The following DCLK2 variants were observed in gnomAD, a reference collection of about 807,000 sequenced individuals.
DCLK2 encodes the protein doublecortin like kinase 2.
A neutral mutation model predicts 78.4 loss-of-function variants in DCLK2; 31 were observed. The ratio of observed to expected loss-of-function variants is 0.40; its 90% CI spans 0.30 to 0.53. The LOEUF (loss-of-function observed/expected upper bound fraction) is 0.53, where lower values mean the gene tolerates loss of function less well. Ranked by LOEUF, DCLK2 falls within the 20% of genes least tolerant of loss-of-function variation. DCLK2 has a pLI of 0.61. For synonymous variants in DCLK2, 407 were observed against 374.9 expected (o/e 1.09, Z -0.99); for missense variants, 872 against 973.7 (o/e 0.90, Z 1.39).
intron 2 of DCLK2, among the ~76,000 whole-genome samples, chr4:150,182,345 C>A (rs945255404): frequency 1.2e-4 from 18 of 152,130 alleles, no homozygotes; most frequent in African/African-American, 4.3e-4. Flanking sequence ...CTCTACCTGG[C>A]CTCCCAAATC....
chr4:150,156,476 C>T (rs1371239132), intron 2 of DCLK2, among the ~76,000 whole-genome samples: 4 of 136,464 alleles, frequency 2.9e-5, no homozygotes, highest in Admixed American at 8.1e-5. Context: ...GTGAGGCCGT[C>T]TCTACCAAAA....
chr4:150,137,296 G>A (rs1188146169), intron 2 of DCLK2, among the ~76,000 whole-genome samples: 1 of 152,160 alleles, frequency 6.6e-6, no homozygotes, highest in South Asian at 2.1e-4. Context: ...CAGCAGGCTG[G>A]CTCAGGCCTT....
intron 2 of DCLK2, among the ~76,000 whole-genome samples, chr4:150,186,554 C>A (rs901600182): frequency 2.6e-5 from 4 of 152,008 alleles, no homozygotes; most frequent in African/African-American, 9.7e-5. Flanking sequence ...TGCTTCTTGT[C>A]TTTTATTTAT....
chr4:150,117,219 G>A (rs1442975089), intron 2 of DCLK2, among the ~76,000 whole-genome samples: 2 of 152,094 alleles, frequency 1.3e-5, no homozygotes, highest in Non-Finnish European at 2.9e-5. Flanking sequence ...GAATCTGCCT[G>A]GGGAGTGGGG....
intron 2 of DCLK2, among the ~76,000 whole-genome samples, chr4:150,179,676 ATAT>A (rs1180368300): frequency 3.3e-5 from 5 of 152,202 alleles, no homozygotes; most frequent in Non-Finnish European, 7.3e-5. Flanking sequence ...AAAGGTCATA[ATAT>A]TATTAATACA....
intron 8 of DCLK2, among the ~76,000 whole-genome samples, chr4:150,229,027 C>A (rs556637302): frequency 6.9e-6 from 1 of 145,650 alleles, no homozygotes; most frequent in South Asian, 2.2e-4. Flanking sequence ...AGCGAGACTC[C>A]GTCTCAAAAA....
intron 4 of DCLK2, among the ~76,000 whole-genome samples, 193 bp from the exon 5 acceptor site, chr4:150,203,602 G>GT (rs5862912): frequency 0.69 from 98,420 of 141,872 alleles, 34,618 homozygotes; most frequent in South Asian, 0.89. Context: ...GTTTCACTCT[G>GT]TTTTTTTTTT....
At chr4:150,090,274 C>T (rs765310533) in intron 1 of DCLK2, among the ~76,000 whole-genome samples, 3 of 152,124 alleles carry the variant, frequency 2.0e-5, no homozygotes, top group South Asian at 2.1e-4. Flanking sequence ...AGCGTGGTGG[C>T]GCACGACTGT....
chr4:150,206,640 AC>A lies in DCLK2; in HGVS notation c.1056+2752del, dbSNP rs1367525860. 2.6e-5 allele frequency among the ~76,000 whole-genome samples: 4 copies of A among 152,162 alleles called. No individual in the cohort carries two copies. The East Asian group carries it at 7.7e-4, about 29-fold the overall frequency. On this transcript the variant is annotated intron_variant, in intron 5 of 15. Coordinates refer to ENST00000296550, the MANE Select transcript of DCLK2 (RefSeq NM_001040260.4). ...TTCTGTTAACTTGCCGAAAAACCTA[AC>A]TAAAAGGCTAGGAAGTCTATTTTTT...
chr4:150,105,895 G>A (rs930474171), intron 2 of DCLK2, among the ~76,000 whole-genome samples: 2 of 151,858 alleles, frequency 1.3e-5, no homozygotes. Flanking sequence ...TAATTCAGAA[G>A]GAAACAAGAT....
intron 2 of DCLK2, among the ~76,000 whole-genome samples, chr4:150,143,949 C>T (rs1045261563): frequency 2.0e-5 from 3 of 151,532 alleles, no homozygotes; most frequent in African/African-American, 7.3e-5. Flanking sequence ...TAGTCGTTTG[C>T]CAGAGACATA....
At chr4:150,129,577 G>T (rs1172301282) in intron 2 of DCLK2, among the ~76,000 whole-genome samples, 1 of 151,804 alleles carries the variant, frequency 6.6e-6, no homozygotes, top group East Asian at 1.9e-4. Context: ...AAAATTAGCT[G>T]GGTGTGGTGG....
At chr4:150,196,924 C>A (rs558611816) in intron 3 of DCLK2, among the ~76,000 whole-genome samples, 2 of 152,190 alleles carry the variant, frequency 1.3e-5, no homozygotes, top group Non-Finnish European at 2.9e-5. Flanking sequence ...GAGGCCGAGG[C>A]CAGCAGATCA....
At chr4:150,125,744 A>T (rs188143107) in intron 2 of DCLK2, among the ~76,000 whole-genome samples, 56 of 152,174 alleles carry the variant, frequency 3.7e-4, no homozygotes, top group African/African-American at 1.3e-3. Context: ...ACAAAAAATT[A>T]GCTGGGCGTG....
At chr4:150,160,546 A>G (rs1735632782) in intron 2 of DCLK2, among the ~76,000 whole-genome samples, 2 of 152,246 alleles carry the variant, frequency 1.3e-5, no homozygotes, top group Admixed American at 6.5e-5. Flanking sequence ...AACTTGTTCA[A>G]GCTTCTACAA....
chr4:150,091,332 A>G (rs1212057322), intron 1 of DCLK2, among the ~76,000 whole-genome samples: 3 of 152,200 alleles, frequency 2.0e-5, no homozygotes, highest in African/African-American at 7.2e-5. Flanking sequence ...GTTAGGAAAA[A>G]TTCTAGGTTC....
chr4:150,232,050 A>G (rs560316810), intron 8 of DCLK2, among the ~76,000 whole-genome samples: 84 of 152,282 alleles, frequency 5.5e-4, no homozygotes, highest in African/African-American at 1.9e-3. Context: ...AGGTGTTAGA[A>G]ATAATGACAA....
intron 2 of DCLK2, among the ~76,000 whole-genome samples, chr4:150,107,003 G>A (rs1157324460): frequency 2.6e-5 from 4 of 152,142 alleles, no homozygotes; most frequent in Non-Finnish European, 4.4e-5. Flanking sequence ...TGTCCCTAGG[G>A]CATGTATGGC....
Position 150,193,130 on chromosome 4 carries a change from G to A in DCLK2, c.757-8G>A, listed in dbSNP as rs559696743. ...AATTTATTTCTTGGACATGATTTTT[G>A]TTCTCAGGTTACTTGTCTGCAAGAC... On this transcript the variant is annotated splice_region_variant and splice_polypyrimidine_tract_variant and intron_variant, in intron 2 of 15. Coordinates refer to ENST00000296550, the MANE Select transcript of DCLK2 (RefSeq NM_001040260.4). The A allele has an allele frequency of 1.3e-6, 2 of 1,559,714 alleles. No homozygotes were observed. The highest frequency in any genetic ancestry group is 1.8e-6 in the Non-Finnish European group (2 of 1,135,032).
Sources: gnomAD v4.1 joint callset for allele counts (sites outside exome capture counted in the v4.1 genomes callset) on GRCh38, gnomAD v4.1.1 for gene constraint, MANE v1.5 for transcripts, NCBI Gene and HGNC (gene_info 2026-07-23, HGNC 2026-07-21) for gene names.